The following EYS variants were observed in gnomAD, a reference collection of about 807,000 sequenced individuals.
EYS encodes EGF-like photoreceptor maintenance factor, also known as protein eyes shut homolog.
Under a neutral mutation model 282.1 loss-of-function variants are expected in EYS, and 250 were observed. That is an observed-to-expected ratio of 0.89 (90% CI 0.80 to 0.98). EYS has a LOEUF of 0.98. Ranked by LOEUF, EYS falls within the 50% of genes least tolerant of loss-of-function variation. The probability of loss-of-function intolerance (pLI) is 0.00; values close to 1 mark genes in which losing one functional copy is unlikely to be tolerated. For synonymous variants in EYS, 1,355 were observed against 1,282.9 expected, an observed-to-expected ratio of 1.06 and a Z score of -1.20; for missense variants, 4,016 against 3,709.0, an observed-to-expected ratio of 1.08 and a Z score of -2.15.
chr6:64,769,952 CAT>C (rs1773474992), intron 22 of EYS, among the ~76,000 whole-genome samples: 1 of 151,890 alleles, frequency 6.6e-6, no homozygotes, highest in African/African-American at 2.4e-5. Flanking sequence ...TACACACACA[CAT>C]ACAGATGTAA....
intron 22 of EYS, among the ~76,000 whole-genome samples, chr6:64,751,220 G>T (rs1772741224): frequency 2.6e-5 from 4 of 152,232 alleles, no homozygotes; most frequent in South Asian, 2.1e-4. Flanking sequence ...TGGCACATTT[G>T]CTCCCCTGGT....
intron 12 of EYS, among the ~76,000 whole-genome samples, chr6:65,089,986 C>CACAA (rs1774507617): frequency 1.4e-5 from 2 of 146,170 alleles, no homozygotes; most frequent in Admixed American, 6.9e-5. Context: ...AATAAATACA[C>CACAA]ACACACACAC....
intron 31 of EYS, among the ~76,000 whole-genome samples, chr6:64,108,421 G>T (rs1403489386): frequency 1.3e-5 from 2 of 150,642 alleles, no homozygotes; most frequent in South Asian, 2.1e-4. Flanking sequence ...TGTTTTTTTA[G>T]ATTGTTCAGC....
chr6:64,897,980 T>C (rs1767528934), intron 18 of EYS, among the ~76,000 whole-genome samples: 1 of 152,184 alleles, frequency 6.6e-6, no homozygotes, highest in South Asian at 2.1e-4. Flanking sequence ...CTACATTTGA[T>C]TGGTGTACCT....
At chr6:64,615,576 T>C (rs1340767399) in intron 24 of EYS, among the ~76,000 whole-genome samples, 2 of 152,148 alleles carry the variant, frequency 1.3e-5, no homozygotes, top group African/African-American at 2.4e-5. Flanking sequence ...TTAGAGTAAA[T>C]ACATACTGCT....
At chr6:64,378,246 T>A (rs1369973520) in intron 29 of EYS, among the ~76,000 whole-genome samples, 9 of 152,166 alleles carry the variant, frequency 5.9e-5, no homozygotes. Flanking sequence ...TCTAGAAGGG[T>A]AGACAAGTTA....
At chr6:65,682,621 T>A (rs1056804407) in intron 1 of EYS, among the ~76,000 whole-genome samples, 1 of 151,974 alleles carries the variant, frequency 6.6e-6, no homozygotes, top group African/African-American at 2.4e-5. Flanking sequence ...ATATATCACA[T>A]GCTATGATCA....
chr6:64,290,779 T>A (rs899232214), intron 30 of EYS, among the ~76,000 whole-genome samples: 3 of 151,640 alleles, frequency 2.0e-5, no homozygotes, highest in Admixed American at 1.3e-4. Flanking sequence ...CATACTTCAT[T>A]GGTGAGAACT....
intron 12 of EYS, among the ~76,000 whole-genome samples, chr6:65,258,497 A>G (rs901793093): frequency 3.3e-5 from 5 of 152,072 alleles, no homozygotes; most frequent in Admixed American, 1.3e-4. Context: ...AAAGAGAAAA[A>G]CTGTTTCCCT....
At chr6:64,452,200 C>T (rs575041832) in intron 26 of EYS, among the ~76,000 whole-genome samples, 44 of 152,220 alleles carry the variant, frequency 2.9e-4, no homozygotes, top group African/African-American at 1.0e-3. Context: ...CACAAGCATT[C>T]TTATACACCA....
intron 12 of EYS, among the ~76,000 whole-genome samples, chr6:65,133,931 A>T (rs376251010): frequency 1.3e-5 from 2 of 149,066 alleles, no homozygotes; most frequent in Non-Finnish European, 3.0e-5. Flanking sequence ...AGAAAAAAAA[A>T]CCCACTAAAA....
In EYS at chr6:64,937,746, CAG is replaced by C. The variant is rs1268160115; in HGVS notation, c.2381+8045_2381+8046del. On this transcript the variant is annotated intron_variant, in intron 15 of 42. Transcript: ENST00000503581. The stretch of plus-strand genomic sequence containing the variant: ...TGGAAGTTCCTCTAAAAGTTAAGCA[CAG>C]AGTTACTCTATGATCCAGCAATTCT... Among the ~76,000 whole-genome samples the C allele has an allele frequency of 3.3e-5, 5 of 151,698 alleles. No homozygotes were observed. The East Asian group carries it at 5.8e-4, about 18-fold the overall frequency.
At chr6:63,809,868 A>C (rs1337073260) in intron 36 of EYS, among the ~76,000 whole-genome samples, 1 of 152,178 alleles carries the variant, frequency 6.6e-6, no homozygotes, top group African/African-American at 2.4e-5. Context: ...TCATTTACTA[A>C]GGCAAATTTT....
At chr6:65,360,425 T>C (rs1040607913) in intron 8 of EYS, among the ~76,000 whole-genome samples, 19 of 152,016 alleles carry the variant, frequency 1.2e-4, no homozygotes, top group Non-Finnish European at 2.5e-4. Context: ...CACCTAAATT[T>C]AGGAACTGTA....
In EYS at chr6:64,085,166, TG is replaced by T. The variant is rs879304945; in HGVS notation, c.6425-3165del. Among the ~76,000 whole-genome samples, 103 of 152,036 alleles carry T rather than the reference TG, an allele frequency of 6.8e-4. 2 individuals are homozygous for T. The highest frequency in any genetic ancestry group is 3.9e-3 in the Admixed American group (59 of 15,276). ...CTAATTTTTGCATTTTTAGTAGTGA[TG>T]GGTTTTCGCTATGTTGGCCAGGCTG... On this transcript the variant is annotated intron_variant, in intron 31 of 42. Coordinates refer to ENST00000503581, the MANE Select transcript of EYS (RefSeq NM_001142800.2).
intron 8 of EYS, among the ~76,000 whole-genome samples, chr6:65,377,752 T>A (rs1765431137): frequency 6.6e-6 from 1 of 151,820 alleles, no homozygotes; most frequent in African/African-American, 2.4e-5. Context: ...AGCACCTCTA[T>A]GCAAAAACAA....
intron 28 of EYS, among the ~76,000 whole-genome samples, chr6:64,402,866 C>T (rs570345314): frequency 1.1e-4 from 17 of 151,982 alleles, no homozygotes; most frequent in Non-Finnish European, 2.2e-4. Context: ...ATTTCCATAT[C>T]GTGTTATGAT....
chr6:64,823,569 G>T (rs1764961923), intron 19 of EYS, among the ~76,000 whole-genome samples: 1 of 151,936 alleles, frequency 6.6e-6, no homozygotes, highest in Non-Finnish European at 1.5e-5. Flanking sequence ...TCCATTACTA[G>T]CAAGCATCTA....
chr6:63,844,832 G>A (rs1772056880), intron 36 of EYS, among the ~76,000 whole-genome samples: 2 of 152,028 alleles, frequency 1.3e-5, no homozygotes, highest in Non-Finnish European at 2.9e-5. Flanking sequence ...TGTTGATAGA[G>A]TCTTCTGCTG....
Sources: gnomAD v4.1 joint callset for allele counts (sites outside exome capture counted in the v4.1 genomes callset) on GRCh38, gnomAD v4.1.1 for gene constraint, MANE v1.5 for transcripts, NCBI Gene and HGNC (gene_info 2026-07-23, HGNC 2026-07-21) for gene names.